Variants in HACD2 observed in about 807,000 individuals in gnomAD.
The protein encoded by HACD2 is very-long-chain (3R)-3-hydroxyacyl-CoA dehydratase 2.
A neutral mutation model predicts 31.0 loss-of-function variants in HACD2; 15 were observed. The observed-to-expected ratio is 0.48, with a 90% confidence interval of 0.32 to 0.75. The LOEUF is 0.75. Ranked by LOEUF, HACD2 falls within the 30% of genes least tolerant of loss-of-function variation. The pLI is 0.03. For missense variants in HACD2, 283 were observed against 313.0 expected (o/e 0.90, Z 0.72); for synonymous variants, 115 against 122.2 (o/e 0.94, Z 0.39).
intron 2 of HACD2, among the ~76,000 whole-genome samples, chr3:123,579,261 T>C (rs1225421393): frequency 6.6e-6 from 1 of 152,114 alleles, no homozygotes; most frequent in African/African-American, 2.4e-5. Flanking sequence ...CCATAAGATA[T>C]ACTTAAATTT....
intron 3 of HACD2, among the ~76,000 whole-genome samples, chr3:123,540,902 T>A (rs903718537): frequency 6.6e-6 from 1 of 152,204 alleles, no homozygotes; most frequent in African/African-American, 2.4e-5. Context: ...AAATTATTAG[T>A]ATTTCTATTT....
intron 2 of HACD2, among the ~76,000 whole-genome samples, chr3:123,570,832 T>G (rs2697520): frequency 0.38 from 57,172 of 151,804 alleles, 17,090 homozygotes; most frequent in African/African-American, 0.81. Context: ...AAGCCATTGT[T>G]TAACAGGGGA....
At chr3:123,561,305 A>T (rs1270168789) in intron 3 of HACD2, among the ~76,000 whole-genome samples, 1 of 152,194 alleles carries the variant, frequency 6.6e-6, no homozygotes, top group Admixed American at 6.5e-5. Context: ...AAAATTTTTT[A>T]ATAAAGTGTC....
intron 4 of HACD2, among the ~76,000 whole-genome samples, chr3:123,519,696 A>G (rs2056188818): frequency 6.6e-6 from 1 of 152,230 alleles, no homozygotes; most frequent in South Asian, 2.1e-4. Flanking sequence ...TTGAAAAGCT[A>G]CACTACATAA....
intron 2 of HACD2, among the ~76,000 whole-genome samples, chr3:123,572,397 A>G (rs976407967): frequency 2.0e-5 from 3 of 152,156 alleles, no homozygotes; most frequent in Admixed American, 2.0e-4. Flanking sequence ...AGTCCTAGCT[A>G]CTTGGAAGGC....
chr3:123,501,788 A>G lies in HACD2; in HGVS notation c.503+772T>C, dbSNP rs58514803. ...ATGTTCATTGCAAATGAGAAAAATA[A>G]TAAAATAACAAAGGAGTTCCCATAC... On this transcript the variant is annotated intron_variant, in intron 5 of 6. Transcript: ENST00000383657. Among the ~76,000 whole-genome samples the G allele has an allele frequency of 1.8e-3, 278 of 152,348 alleles. 2 individuals carry two copies. The highest frequency in any genetic ancestry group is 6.5e-3 in the African/African-American group (271 of 41,588).
intron 3 of HACD2, among the ~76,000 whole-genome samples, chr3:123,561,550 G>T (rs558944664): frequency 6.6e-6 from 1 of 150,838 alleles, no homozygotes; most frequent in Admixed American, 7.1e-5. Flanking sequence ...AATGCACAGT[G>T]TCACATCTTA....
intron 4 of HACD2, among the ~76,000 whole-genome samples, chr3:123,504,989 C>A (rs1029482080): frequency 6.6e-6 from 1 of 152,152 alleles, no homozygotes; most frequent in Admixed American, 6.5e-5. Context: ...GGCAAAGAAA[C>A]CCAGGTGTGT....
At chr3:123,545,139 G>GTTT (rs377625410) in intron 3 of HACD2, among the ~76,000 whole-genome samples, 5 of 132,404 alleles carry the variant, frequency 3.8e-5, no homozygotes, top group South Asian at 2.4e-4. Flanking sequence ...GGTACTAGCT[G>GTTT]TTTTTTTTTT....
intron 3 of HACD2, among the ~76,000 whole-genome samples, chr3:123,547,792 G>C (rs979529495): frequency 1.3e-5 from 2 of 152,116 alleles, no homozygotes; most frequent in African/African-American, 4.8e-5. Context: ...GATACTAAAA[G>C]TTAACATCTA....
intron 3 of HACD2, among the ~76,000 whole-genome samples, chr3:123,563,376 TG>T: frequency 6.6e-6 from 1 of 152,114 alleles, no homozygotes; most frequent in East Asian, 1.9e-4. Flanking sequence ...CAGATGAGCA[TG>T]GAGTGGGAGG....
intron 3 of HACD2, among the ~76,000 whole-genome samples, chr3:123,557,261 C>G (rs900851144): frequency 1.3e-5 from 2 of 152,206 alleles, no homozygotes; most frequent in Admixed American, 1.3e-4. Flanking sequence ...TTATGAGAAT[C>G]TAATGCCTGA....
At chr3:123,543,669 A>C (rs1370904377) in intron 3 of HACD2, 3 of 426,326 alleles carry the variant, frequency 7.0e-6, no homozygotes, top group South Asian at 5.3e-5. Context: ...TAAAGGAAAA[A>C]AAACTGTCAG....
intron 3 of HACD2, among the ~76,000 whole-genome samples, chr3:123,529,209 T>C (rs1429918801): frequency 2.6e-5 from 4 of 152,176 alleles, no homozygotes; most frequent in African/African-American, 9.7e-5. Context: ...CAAGTGATTC[T>C]TGTGCCTCAG....
chr3:123,508,983 G>A (rs79221276), intron 4 of HACD2, among the ~76,000 whole-genome samples: 12 of 152,122 alleles, frequency 7.9e-5, no homozygotes, highest in East Asian at 3.9e-4. Context: ...CTCCACCTCC[G>A]CATGACCTCA....
At chr3:123,577,154 T>A (rs2056915919) in intron 2 of HACD2, among the ~76,000 whole-genome samples, 1 of 152,188 alleles carries the variant, frequency 6.6e-6, no homozygotes, top group South Asian at 2.1e-4. Context: ...GGAATTCCTG[T>A]GGTCCATCAG....
chr3:123,522,332 C>CAAAAAAAAAA (rs34478912), intron 4 of HACD2, among the ~76,000 whole-genome samples: 1 of 116,912 alleles, frequency 8.6e-6, no homozygotes, highest in Non-Finnish European at 1.7e-5. Flanking sequence ...TGTCTCCAAA[C>CAAAAAAAAAA]AAAAAAAAAA....
intron 4 of HACD2, among the ~76,000 whole-genome samples, chr3:123,525,492 A>G (rs2056269397): frequency 6.6e-6 from 1 of 152,242 alleles, no homozygotes; most frequent in Admixed American, 6.5e-5. Context: ...ATGACAAGCA[A>G]TGATGCATGT....
intron 5 of HACD2, 96 bp downstream of exon 5, chr3:123,502,464 T>C: frequency 7.5e-7 from 1 of 1,329,486 alleles, no homozygotes; most frequent in Admixed American, 2.4e-5. Context: ...GTCTCAATTT[T>C]ATTTTTAGAA....
Sources: gnomAD v4.1 joint callset for allele counts (sites outside exome capture counted in the v4.1 genomes callset) on GRCh38, gnomAD v4.1.1 for gene constraint, MANE v1.5 for transcripts, NCBI Gene and HGNC (gene_info 2026-07-23, HGNC 2026-07-21) for gene names.